Variants in PRKG1 observed in about 807,000 individuals in gnomAD.
PRKG1 encodes protein kinase cGMP-dependent 1, also known as cGMP-dependent protein kinase 1.
In PRKG1, 35 loss-of-function variants were observed where a neutral mutation model predicts 88.1. The observed-to-expected ratio is 0.40, with a 90% CI of 0.30 to 0.53. The LOEUF (loss-of-function observed/expected upper bound fraction) is 0.53. Among genes scored for constraint, PRKG1 ranks in the 20% least tolerant of loss-of-function variants. The pLI is 0.59. For synonymous variants in PRKG1, 303 were observed against 292.5 expected, an observed-to-expected ratio of 1.04 and a Z score of -0.37; for missense variants, 540 against 839.8, an observed-to-expected ratio of 0.64 and a Z score of 4.41.
chr10:51,619,718 G>T (rs757182411), intron 3 of PRKG1, among the ~76,000 whole-genome samples: 1 of 152,106 alleles, frequency 6.6e-6, no homozygotes, highest in Non-Finnish European at 1.5e-5. Flanking sequence ...CTCCAATCAC[G>T]TTTTAAAAGA....
intron 1 of PRKG1, among the ~76,000 whole-genome samples, chr10:51,068,313 T>A (rs956756374): frequency 6.7e-6 from 1 of 149,786 alleles, no homozygotes; most frequent in Non-Finnish European, 1.5e-5. Flanking sequence ...CCCTACTATG[T>A]CTTTTTGCCT....
intron 3 of PRKG1, among the ~76,000 whole-genome samples, chr10:51,727,265 A>C: frequency 6.8e-6 from 1 of 146,874 alleles, no homozygotes. Flanking sequence ...ACACAGTAAG[A>C]CCCCATTGCA....
chr10:51,848,759 A>AGTCTTTCAAAGTGCTG (rs1840469972), intron 4 of PRKG1, among the ~76,000 whole-genome samples: 3 of 151,704 alleles, frequency 2.0e-5, no homozygotes, highest in African/African-American at 7.3e-5. Flanking sequence ...TTCCTGACTC[A>AGTCTTTCAAAGTGCTG]GTCTTTCAAA....
At chr10:51,821,786 G>C (rs1049568155) in intron 4 of PRKG1, among the ~76,000 whole-genome samples, 18 of 151,998 alleles carry the variant, frequency 1.2e-4, no homozygotes, top group African/African-American at 3.9e-4. Context: ...AAATAGAATT[G>C]AGAGCCCAGA....
intron 9 of PRKG1, among the ~76,000 whole-genome samples, chr10:52,164,118 A>AG (rs1209833936): frequency 1.3e-5 from 2 of 152,126 alleles, no homozygotes; most frequent in African/African-American, 2.4e-5. Flanking sequence ...TGGGAGGTCA[A>AG]GGGGGGAAGA....
At chr10:51,349,907 GGCACA>G (rs1842203317) in intron 2 of PRKG1, among the ~76,000 whole-genome samples, 1 of 152,070 alleles carries the variant, frequency 6.6e-6, no homozygotes. Flanking sequence ...ATAATTATAA[GGCACA>G]GCTTCTGCCC....
chr10:51,365,868 C>T (rs374036199), intron 2 of PRKG1, among the ~76,000 whole-genome samples: 109 of 151,840 alleles, frequency 7.2e-4, no homozygotes, highest in African/African-American at 2.5e-3. Flanking sequence ...TATTTCCAAG[C>T]TGCATAGCTT....
chr10:51,654,206 T>C (rs1840107910), intron 3 of PRKG1, among the ~76,000 whole-genome samples: 1 of 152,176 alleles, frequency 6.6e-6, no homozygotes, highest in African/African-American at 2.4e-5. Flanking sequence ...TATTTGTATA[T>C]GGTGTAAGAC....
intron 8 of PRKG1, among the ~76,000 whole-genome samples, chr10:52,141,759 A>T (rs1041513490): frequency 3.3e-5 from 5 of 152,184 alleles, no homozygotes; most frequent in Non-Finnish European, 7.3e-5. Flanking sequence ...TAAAAAATGT[A>T]TATGGTAAGT....
At chr10:51,849,661 T>G (rs1840493552) in intron 4 of PRKG1, among the ~76,000 whole-genome samples, 1 of 152,192 alleles carries the variant, frequency 6.6e-6, no homozygotes, top group South Asian at 2.1e-4. Flanking sequence ...ACAATTGAAT[T>G]TAATAATCAC....
chr10:52,237,338 G>T (rs1431980229), intron 9 of PRKG1, among the ~76,000 whole-genome samples: 1 of 141,434 alleles, frequency 7.1e-6, no homozygotes, highest in Admixed American at 7.0e-5. Context: ...GCAGGAGAAG[G>T]AAATAAAGGG....
chr10:51,460,012 G>T (rs1839704533), intron 2 of PRKG1, among the ~76,000 whole-genome samples: 1 of 151,986 alleles, frequency 6.6e-6, no homozygotes, highest in Admixed American at 6.6e-5. Context: ...ATGGATTTTT[G>T]TTTACATCAG....
intron 9 of PRKG1, among the ~76,000 whole-genome samples, chr10:52,214,043 C>T: frequency 6.6e-6 from 1 of 152,080 alleles, no homozygotes; most frequent in East Asian, 1.9e-4. Context: ...ACTTTTTTCA[C>T]AGTCTGGCAA....
chr10:51,850,636 CTT>C (rs1840529085), intron 4 of PRKG1, among the ~76,000 whole-genome samples: 1 of 152,012 alleles, frequency 6.6e-6, no homozygotes, highest in African/African-American at 2.4e-5. Context: ...TAAAGAGTTT[CTT>C]GAAATAAAGA....
At chr10:52,282,344 T>C in intron 14 of PRKG1, 28 bp downstream of exon 14, 1 of 1,560,224 alleles carries the variant, frequency 6.4e-7, no homozygotes, top group South Asian at 1.2e-5. Context: ...GAACTGCTGA[T>C]AAAAATAGAC....
chr10:51,196,745 T>C (rs1837777447), intron 2 of PRKG1, among the ~76,000 whole-genome samples: 1 of 152,138 alleles, frequency 6.6e-6, no homozygotes, highest in African/African-American at 2.4e-5. Flanking sequence ...AAGCAGATGG[T>C]AAATATTTGA....
chr10:51,293,067 T>C (rs1327957059), intron 2 of PRKG1, among the ~76,000 whole-genome samples: 1 of 152,128 alleles, frequency 6.6e-6, no homozygotes, highest in Non-Finnish European at 1.5e-5. Flanking sequence ...TATTGAGGTA[T>C]GATTGAAAAA....
intron 2 of PRKG1, among the ~76,000 whole-genome samples, chr10:51,259,791 T>A (rs1839657596): frequency 6.6e-6 from 1 of 152,100 alleles, no homozygotes; most frequent in Non-Finnish European, 1.5e-5. Flanking sequence ...CCCTTTTTTA[T>A]ATGTGTGGGT....
chr10:52,149,065 A>T (rs1384897683), intron 8 of PRKG1, among the ~76,000 whole-genome samples: 4 of 149,870 alleles, frequency 2.7e-5, no homozygotes, highest in East Asian at 4.0e-4. Context: ...AAAGATTGTA[A>T]TTGATGGAGC....
Sources: allele counts gnomAD v4.1 joint callset (sites outside exome capture counted in the v4.1 genomes callset), GRCh38; gene constraint gnomAD v4.1.1; transcripts MANE v1.5; gene names NCBI Gene and HGNC (gene_info 2026-07-23, HGNC 2026-07-21).